Variants in SP100 observed in about 807,000 individuals in gnomAD.
The protein encoded by SP100 is SP100 nuclear body protein.
SP100 carries 84 observed loss-of-function variants against 130.0 expected under a neutral mutation model. That is an observed-to-expected ratio of 0.65 (90% confidence interval 0.54 to 0.77). SP100 has a LOEUF of 0.77. SP100 is among the 30% of genes least tolerant of loss of function. The pLI, the probability that SP100 is intolerant of heterozygous loss-of-function variation, is 0.00. For missense variants in SP100, 978 were observed against 1,052.2 expected (o/e 0.93, Z 0.97); for synonymous variants, 331 against 351.7 (o/e 0.94, Z 0.66).
intron 13 of SP100, among the ~76,000 whole-genome samples, 176 bp downstream of exon 13, chr2:230,467,391 G>A (rs1214021857): frequency 6.6e-6 from 1 of 152,228 alleles, no homozygotes; most frequent in Non-Finnish European, 1.5e-5. Flanking sequence ...TTAACAAGAT[G>A]GTTGTGGTTG....
chr2:230,542,948 C>T lies in SP100; in HGVS notation c.*2C>T, dbSNP rs9288668. Reference sequence around the variant, plus strand: ...AAGAACATTATAATGTTTATTTAGCCATTCTTATCTCCTCCCTTCAGATCC... The same window carrying T: ...AAGAACATTATAATGTTTATTTAGCTATTCTTATCTCCTCCCTTCAGATCC... On this transcript the variant is annotated 3_prime_UTR_variant, in exon 29 of 29. Coordinates refer to ENST00000340126, the MANE Select transcript of SP100 (RefSeq NM_001080391.2). 0.43 allele frequency: 650,566 copies of T among 1,507,576 alleles called. 144,467 individuals carry two copies. Among genetic ancestry groups the T allele is most frequent in the South Asian group, 0.53 (46,579 of 88,232 alleles). The allele number at this position is 1,507,576 out of a possible 1,614,324, so 93.4% of individuals were successfully genotyped here. A position where few individuals can be genotyped will look rare whatever the true frequency, so the allele number is the denominator to read the frequency against.
intron 2 of SP100, among the ~76,000 whole-genome samples, chr2:230,435,428 T>C (rs2149884725): frequency 6.6e-6 from 1 of 152,334 alleles, no homozygotes; most frequent in African/African-American, 2.4e-5. Context: ...TTTATATCTG[T>C]ATTGCTTTTT....
At position 230,481,172 on chromosome 2, in the gene SP100, C is replaced by A. The variant is rs909112098; in HGVS notation, c.1600+6725C>A. Among the ~76,000 whole-genome samples, 4 of 152,118 alleles carry A rather than the reference C, an allele frequency of 2.6e-5. No individual in the cohort carries two copies. In the South Asian group the frequency reaches 8.3e-4, roughly 32 times the overall value. On this transcript the variant is annotated intron_variant, in intron 17 of 28. Coordinates refer to ENST00000340126, the MANE Select transcript of SP100 (RefSeq NM_001080391.2). ...CCTAGGAATTGCATCCAGTCCTGTT[C>A]TTTAAATTTTATCAATATGTGAATG...
chr2:230,498,521 G>A lies in SP100; in HGVS notation c.1706G>A (p.Arg569Lys). The A allele has an allele frequency of 6.8e-7, 1 of 1,467,854 alleles. No homozygotes were observed. The highest frequency in any genetic ancestry group is 9.0e-7 in the Non-Finnish European group (1 of 1,110,440). The allele number at this position is 1,467,854 out of a possible 1,614,324, so 90.9% of individuals were successfully genotyped here. ...LTLNNKVQKK[R>K]WQQRGRKANT... ...CTGAATAACAAAGTCCAAAAGAAAA[G>A]ATGGCAACAAAGAGGTAAAAAAAAA... The change falls in exon 19 of 29, where the codon AGA becomes AAA. Residue 569 changes from arginine to lysine, a missense_variant. By Grantham distance (26) the Arg-to-Lys change is conservative (BLOSUM62 2). Coordinates refer to ENST00000340126, the MANE Select transcript of SP100 (RefSeq NM_001080391.2).
At chr2:230,475,998 T>TA (rs1320345678) in intron 17 of SP100, among the ~76,000 whole-genome samples, 6 of 152,318 alleles carry the variant, frequency 3.9e-5, no homozygotes, top group Admixed American at 6.5e-5. Flanking sequence ...TCTTTTTGTT[T>TA]ACAATTGCTT....
intron 17 of SP100, among the ~76,000 whole-genome samples, chr2:230,480,918 ATTCTC>A (rs1328233210): frequency 1.3e-5 from 2 of 151,810 alleles, no homozygotes; most frequent in South Asian, 2.1e-4. Flanking sequence ...GGATGGATGC[ATTCTC>A]TTCTCTTGTC....
At chr2:230,449,296 CAA>C (rs760572496) in intron 6 of SP100, 146 bp downstream of exon 6, 1 of 886,100 alleles carries the variant, frequency 1.1e-6, no homozygotes, top group African/African-American at 1.7e-5. Flanking sequence ...ATTTAAATAA[CAA>C]GTCCTTATCC....
chr2:230,478,230 G>C (rs2065663915), intron 17 of SP100, among the ~76,000 whole-genome samples: 1 of 152,150 alleles, frequency 6.6e-6, no homozygotes, highest in Admixed American at 6.6e-5. Context: ...GAGAGAATCA[G>C]AATGCCACTT....
intron 2 of SP100, among the ~76,000 whole-genome samples, chr2:230,435,168 G>T (rs147297372): frequency 2.0e-5 from 3 of 152,312 alleles, no homozygotes; most frequent in African/African-American, 7.2e-5. Context: ...TCTCCCTCGT[G>T]ACATAGTGTC....
chr2:230,420,625 C>G (rs2062741282), intron 2 of SP100, among the ~76,000 whole-genome samples: 1 of 152,036 alleles, frequency 6.6e-6, no homozygotes, highest in Non-Finnish European at 1.5e-5. Flanking sequence ...AAAATGCCTA[C>G]TAAAGAATCT....
intron 25 of SP100, among the ~76,000 whole-genome samples, chr2:230,540,258 C>T (rs1249879726): frequency 1.3e-5 from 2 of 152,274 alleles, no homozygotes; most frequent in African/African-American, 4.8e-5. Context: ...TAGGATGGGT[C>T]ATTGTGCTTG....
At chr2:230,478,995 AT>A (rs2065700418) in intron 17 of SP100, among the ~76,000 whole-genome samples, 1 of 152,030 alleles carries the variant, frequency 6.6e-6, no homozygotes, top group African/African-American at 2.4e-5. Flanking sequence ...TAATTTTTGT[AT>A]TTTTAGTAGA....
intron 20 of SP100, 22 bp downstream of exon 20, chr2:230,503,132 G>A: frequency 6.6e-7 from 1 of 1,524,196 alleles, no homozygotes; most frequent in East Asian, 2.3e-5. Flanking sequence ...TGATCGATAT[G>A]TTTTTCATAA....
chr2:230,446,454 TA>T (rs1210166856), intron 4 of SP100, among the ~76,000 whole-genome samples: 1 of 152,196 alleles, frequency 6.6e-6, no homozygotes, highest in Non-Finnish European at 1.5e-5. Context: ...TGGCTGATTA[TA>T]AAAAAGTGGA....
intron 13 of SP100, 49 bp from the exon 14 acceptor site, chr2:230,468,994 T>C (rs1480267153): frequency 8.7e-7 from 1 of 1,151,284 alleles, no homozygotes; most frequent in Non-Finnish European, 1.3e-6. Context: ...ATAAGATTTA[T>C]AGATCTTTTA....
chr2:230,534,013 TAAC>T (rs1691818857), intron 24 of SP100, among the ~76,000 whole-genome samples: 1 of 152,220 alleles, frequency 6.6e-6, no homozygotes, highest in Non-Finnish European at 1.5e-5. Flanking sequence ...ACCTTTTGAA[TAAC>T]TACAGGGTGC....
chr2:230,436,954 A>G (rs1358415147), intron 2 of SP100, among the ~76,000 whole-genome samples: 3 of 134,340 alleles, frequency 2.2e-5, no homozygotes, highest in Non-Finnish European at 3.4e-5. Flanking sequence ...ATATATGTGT[A>G]TACACACACA....
At chr2:230,451,833 G>C (rs1306300347) in intron 8 of SP100, among the ~76,000 whole-genome samples, 2 of 152,120 alleles carry the variant, frequency 1.3e-5, no homozygotes, top group African/African-American at 2.4e-5. Flanking sequence ...ATGAGATGGG[G>C]TCAAATTTCA....
chr2:230,541,524 A>G (rs1692176523), intron 27 of SP100, 152 bp downstream of exon 27: 2 of 686,892 alleles, frequency 2.9e-6, no homozygotes, highest in Non-Finnish European at 4.9e-6. Context: ...TGGCTTAAAC[A>G]GCAGAAATGT....
Sources: gnomAD v4.1 joint callset for allele counts (sites outside exome capture counted in the v4.1 genomes callset) on GRCh38, gnomAD v4.1.1 for gene constraint, MANE v1.5 for transcripts, NCBI Gene and HGNC (gene_info 2026-07-23, HGNC 2026-07-21) for gene names.